ELMO1: variants seen among roughly 807,000 people sequenced by gnomAD.
ELMO1 encodes the protein engulfment and cell motility protein 1.
Under a neutral mutation model 98.9 loss-of-function variants are expected in ELMO1, and 26 were observed. That is an observed-to-expected ratio of 0.26 (90% CI 0.19 to 0.36). The LOEUF (loss-of-function observed/expected upper bound fraction) is 0.36, where lower values mean the gene tolerates loss of function less well. ELMO1 is among the 10% of genes least tolerant of loss of function. The probability of loss-of-function intolerance (pLI) is 1.00; values close to 1 mark genes in which losing one functional copy is unlikely to be tolerated. For missense variants in ELMO1, 627 were observed against 935.2 expected (o/e 0.67, Z 4.30); for synonymous variants, 346 against 346.0 (o/e 1.00, Z 0.00).
intron 6 of ELMO1, among the ~76,000 whole-genome samples, chr7:37,246,993 T>C (rs1419051933): frequency 6.6e-6 from 1 of 152,186 alleles, no homozygotes; most frequent in East Asian, 1.9e-4. Context: ...CTTTGCTTCA[T>C]ATAAATTTGT....
intron 8 of ELMO1, among the ~76,000 whole-genome samples, chr7:37,231,207 C>T (rs1052147579): frequency 6.6e-6 from 1 of 151,986 alleles, no homozygotes; most frequent in African/African-American, 2.4e-5. Flanking sequence ...CTTAAATGAA[C>T]ATAAAACATA....
chr7:36,928,750 G>T (rs1785784915), intron 16 of ELMO1, among the ~76,000 whole-genome samples: 1 of 152,240 alleles, frequency 6.6e-6, no homozygotes, highest in African/African-American at 2.4e-5. Flanking sequence ...CACCAGGGCT[G>T]TGGGAGAGGC....
chr7:37,043,017 T>C (rs980396312), intron 15 of ELMO1, among the ~76,000 whole-genome samples: 1 of 152,246 alleles, frequency 6.6e-6, no homozygotes, highest in African/African-American at 2.4e-5. Flanking sequence ...TTCATTATCG[T>C]GTCCACATTG....
intron 13 of ELMO1, among the ~76,000 whole-genome samples, chr7:37,181,564 C>A (rs1413374162): frequency 6.6e-6 from 1 of 152,090 alleles, no homozygotes; most frequent in African/African-American, 2.4e-5. Flanking sequence ...CTGGGAGATA[C>A]ATATAAAGAC....
At chr7:37,387,439 T>C (rs1433035953) in intron 1 of ELMO1, among the ~76,000 whole-genome samples, 2 of 152,198 alleles carry the variant, frequency 1.3e-5, no homozygotes, top group Non-Finnish European at 2.9e-5. Context: ...TGTGCTTCTA[T>C]CTCTAAATGT....
intron 17 of ELMO1, among the ~76,000 whole-genome samples, chr7:36,894,414 C>T (rs1318028922): frequency 1.3e-5 from 2 of 152,242 alleles, no homozygotes; most frequent in African/African-American, 4.8e-5. Context: ...CAAGCTCTCA[C>T]TCCCACTCAT....
chr7:37,435,706 A>C (rs907026884), intron 1 of ELMO1, among the ~76,000 whole-genome samples: 3 of 152,234 alleles, frequency 2.0e-5, no homozygotes. Context: ...TTAGCAACAC[A>C]TTTGAAAAGA....
At chr7:37,441,351 G>C (rs1167259427) in intron 1 of ELMO1, among the ~76,000 whole-genome samples, 1 of 152,136 alleles carries the variant, frequency 6.6e-6, no homozygotes, top group African/African-American at 2.4e-5. Flanking sequence ...AATTACATAA[G>C]AAAGTTAACA....
At chr7:36,973,764 C>A (rs558222504) in intron 16 of ELMO1, among the ~76,000 whole-genome samples, 113 of 152,276 alleles carry the variant, frequency 7.4e-4, no homozygotes, top group African/African-American at 2.7e-3. Flanking sequence ...CGAGCGGGAA[C>A]CGGGGCTGCG....
chr7:36,942,374 C>A (rs754564848), intron 16 of ELMO1, among the ~76,000 whole-genome samples: 2 of 152,170 alleles, frequency 1.3e-5, no homozygotes, highest in African/African-American at 2.4e-5. Flanking sequence ...TCTAGAAAAA[C>A]AAAATGATTT....
At chr7:36,908,906 T>C (rs1008130793) in intron 16 of ELMO1, among the ~76,000 whole-genome samples, 14 of 152,326 alleles carry the variant, frequency 9.2e-5, no homozygotes, top group Admixed American at 4.6e-4. Flanking sequence ...ATGGGCACAG[T>C]GCTCTAAGCT....
intron 1 of ELMO1, among the ~76,000 whole-genome samples, chr7:37,412,722 T>C (rs1804045222): frequency 6.6e-6 from 1 of 152,206 alleles, no homozygotes; most frequent in African/African-American, 2.4e-5. Flanking sequence ...TGGGAAGCTA[T>C]GCTATGTGAT....
At chr7:37,433,072 C>T (rs1166099170) in intron 1 of ELMO1, among the ~76,000 whole-genome samples, 1 of 152,154 alleles carries the variant, frequency 6.6e-6, no homozygotes, top group Non-Finnish European at 1.5e-5. Context: ...TGTGCCTCTC[C>T]AACACCCAGA....
chr7:37,430,165 C>G (rs766346526), intron 1 of ELMO1, among the ~76,000 whole-genome samples: 4 of 152,192 alleles, frequency 2.6e-5, no homozygotes, highest in Admixed American at 6.5e-5. Context: ...GTCTGGACCA[C>G]CAGTTCCCGA....
At chr7:37,338,914 C>T (rs912218790) in intron 2 of ELMO1, among the ~76,000 whole-genome samples, 2 of 152,136 alleles carry the variant, frequency 1.3e-5, no homozygotes, top group African/African-American at 4.8e-5. Context: ...ACAGAATTTT[C>T]TCCTAAATAT....
intron 13 of ELMO1, among the ~76,000 whole-genome samples, chr7:37,155,499 A>AT (rs1554427429): frequency 0.51 from 67,515 of 131,288 alleles, 18,113 homozygotes; most frequent in Non-Finnish European, 0.62. Context: ...AAAAAAAAAA[A>AT]AAAAAAAAAG....
At chr7:37,024,432 G>A (rs1160514349) in intron 15 of ELMO1, among the ~76,000 whole-genome samples, 3 of 152,182 alleles carry the variant, frequency 2.0e-5, no homozygotes, top group African/African-American at 7.2e-5. Context: ...TTTGGTCTCT[G>A]TTTAATGAAA....
At chr7:37,142,831 A>G (rs924773469) in intron 13 of ELMO1, among the ~76,000 whole-genome samples, 1 of 152,198 alleles carries the variant, frequency 6.6e-6, no homozygotes, top group African/African-American at 2.4e-5. Flanking sequence ...GGAAAAAATT[A>G]GTATCTCTGA....
At chr7:37,105,797 C>T (rs1466367834) in intron 14 of ELMO1, among the ~76,000 whole-genome samples, 1 of 152,048 alleles carries the variant, frequency 6.6e-6, no homozygotes, top group Non-Finnish European at 1.5e-5. Context: ...TTTCCTGTGA[C>T]TAATAAAAAA....
Sources: allele counts gnomAD v4.1 joint callset (sites outside exome capture counted in the v4.1 genomes callset), GRCh38; gene constraint gnomAD v4.1.1; transcripts MANE v1.5; gene names NCBI Gene and HGNC (gene_info 2026-07-23, HGNC 2026-07-21).